The following ZSWIM6 variants were observed in gnomAD, a reference collection of about 807,000 sequenced individuals.
The protein encoded by ZSWIM6 is zinc finger SWIM-type containing 6, also known as zinc finger SWIM domain-containing protein 6.
Under a neutral mutation model 113.2 loss-of-function variants are expected in ZSWIM6, and 9 were observed. That is an observed-to-expected ratio of 0.08 (90% CI 0.05 to 0.14). The LOEUF is 0.14. Ranked by LOEUF, ZSWIM6 falls within the 10% of genes least tolerant of loss-of-function variation. The pLI is 1.00. For synonymous variants in ZSWIM6, 611 were observed against 606.5 expected, an observed-to-expected ratio of 1.01 and a Z score of -0.11; for missense variants, 1,162 against 1,552.2, an observed-to-expected ratio of 0.75 and a Z score of 4.22.
intron 1 of ZSWIM6, among the ~76,000 whole-genome samples, chr5:61,438,558 A>C (rs1380864078): frequency 6.6e-6 from 1 of 152,226 alleles, no homozygotes; most frequent in Non-Finnish European, 1.5e-5. Context: ...ATGTTCTTCA[A>C]AGAGAATAAT....
chr5:61,450,446 AT>A (rs1319735727), intron 1 of ZSWIM6, among the ~76,000 whole-genome samples: 3 of 152,168 alleles, frequency 2.0e-5, no homozygotes, highest in African/African-American at 7.2e-5. Flanking sequence ...ATGATTTCTC[AT>A]TTATGTGATT....
intron 4 of ZSWIM6, among the ~76,000 whole-genome samples, chr5:61,503,285 A>G (rs908760120): frequency 3.3e-5 from 5 of 152,206 alleles, no homozygotes; most frequent in South Asian, 2.1e-4. Context: ...TACCCAGGGT[A>G]ATGATACTAG....
chr5:61,337,277 T>TC (rs34789006), intron 1 of ZSWIM6, among the ~76,000 whole-genome samples: 31,432 of 144,598 alleles, frequency 0.22, 3,401 homozygotes, highest in South Asian at 0.31. Flanking sequence ...AGATTCCGTC[T>TC]CCCCCCCCAA....
In ZSWIM6 at chr5:61,472,639, A is replaced by G. The variant is rs1747600043; in HGVS notation, c.677-42A>G. 1 of 1,406,924 alleles carries G rather than the reference A, an allele frequency of 7.1e-7. No individual in the cohort carries two copies. The highest frequency in any genetic ancestry group is 9.5e-7 in the Non-Finnish European group (1 of 1,057,006). The allele number at this position is 1,406,924 out of a possible 1,614,324, so 87.2% of individuals were successfully genotyped here. On this transcript the variant is annotated intron_variant, in intron 1 of 13. Transcript: ENST00000252744. The surrounding 1 kb of genome is among the most constrained non-coding windows in gnomAD (Gnocchi z 4.1). The stretch of plus-strand genomic sequence containing the variant: ...AATTAGAGCATTTCATAGCATCTGA[A>G]TGCAGAAGCTAAACCCTCCCTTTCT...
chr5:61,334,306 T>C (rs559266153), intron 1 of ZSWIM6, among the ~76,000 whole-genome samples: 3 of 152,216 alleles, frequency 2.0e-5, no homozygotes, highest in Non-Finnish European at 4.4e-5. Flanking sequence ...AGAACAATGC[T>C]GTAGTGAAAC....
chr5:61,503,439 GGAGAA>G, intron 4 of ZSWIM6, among the ~76,000 whole-genome samples: 1 of 152,294 alleles, frequency 6.6e-6, no homozygotes, highest in African/African-American at 2.4e-5. Context: ...CAGCAAACCT[GGAGAA>G]GAGAGTGAGA....
At chr5:61,540,156 G>C (rs1749689793) in intron 12 of ZSWIM6, among the ~76,000 whole-genome samples, 1 of 152,146 alleles carries the variant, frequency 6.6e-6, no homozygotes. Flanking sequence ...AATTTTTATT[G>C]ATGTTTGCAT....
intron 2 of ZSWIM6, among the ~76,000 whole-genome samples, chr5:61,479,126 G>C (rs911071190): frequency 4.6e-5 from 7 of 151,050 alleles, no homozygotes. Context: ...AGCCAAGATC[G>C]CACCACTGCA....
intron 4 of ZSWIM6, among the ~76,000 whole-genome samples, chr5:61,501,918 C>G (rs1033736185): frequency 6.6e-6 from 1 of 152,094 alleles, no homozygotes; most frequent in Admixed American, 6.6e-5. Flanking sequence ...CCTACTTTTC[C>G]TGTTTCCTAA....
intron 1 of ZSWIM6, among the ~76,000 whole-genome samples, chr5:61,346,033 C>T (rs1744651596): frequency 6.6e-6 from 1 of 152,146 alleles, no homozygotes; most frequent in Non-Finnish European, 1.5e-5. Context: ...CAACCTCCGC[C>T]TCCCGGGTTC....
chr5:61,415,202 G>A (rs549116724), intron 1 of ZSWIM6, among the ~76,000 whole-genome samples: 117 of 152,284 alleles, frequency 7.7e-4, no homozygotes, highest in Non-Finnish European at 1.3e-3. Flanking sequence ...GTTTATGATC[G>A]AAAATGTATG....
chr5:61,521,724 A>G (rs1056649798), intron 5 of ZSWIM6, among the ~76,000 whole-genome samples: 3 of 152,194 alleles, frequency 2.0e-5, no homozygotes, highest in South Asian at 2.1e-4. Context: ...ATGATTTATT[A>G]TGGACATTCT....
chr5:61,448,372 T>TA (rs1295001768), intron 1 of ZSWIM6, among the ~76,000 whole-genome samples: 1 of 152,224 alleles, frequency 6.6e-6, no homozygotes, highest in Non-Finnish European at 1.5e-5. Flanking sequence ...AGTGAGATCA[T>TA]AAAAATCACT....
chr5:61,408,345 C>G (rs1746082703), intron 1 of ZSWIM6, among the ~76,000 whole-genome samples: 1 of 152,094 alleles, frequency 6.6e-6, no homozygotes, highest in Non-Finnish European at 1.5e-5. Context: ...TGTTTTGGAC[C>G]ATTTGAAGCT....
chr5:61,333,009 G>GGGCCC, intron 1 of ZSWIM6, 61 bp downstream of exon 1: 16 of 439,718 alleles, frequency 3.6e-5, no homozygotes, highest in Non-Finnish European at 4.8e-5. Context: ...TGGGGGGGGG[G>GGGCCC]TGCCCGCCTT....
chr5:61,412,270 T>C (rs902665184), intron 1 of ZSWIM6, among the ~76,000 whole-genome samples: 3 of 152,194 alleles, frequency 2.0e-5, no homozygotes, highest in African/African-American at 7.2e-5. Flanking sequence ...TCTGGGTTGG[T>C]CAGAGTTGCA....
intron 1 of ZSWIM6, among the ~76,000 whole-genome samples, chr5:61,431,216 GAA>G (rs1389903306): frequency 6.6e-6 from 1 of 151,020 alleles, no homozygotes; most frequent in Non-Finnish European, 1.5e-5. Flanking sequence ...CTAAAATACA[GAA>G]AAAAATTAGC....
chr5:61,377,528 G>C (rs1745396385), intron 1 of ZSWIM6, among the ~76,000 whole-genome samples: 1 of 152,076 alleles, frequency 6.6e-6, no homozygotes, highest in Admixed American at 6.5e-5. Flanking sequence ...GACCAGCCTG[G>C]CCATCATGGT....
intron 1 of ZSWIM6, among the ~76,000 whole-genome samples, chr5:61,455,623 C>A (rs907682643): frequency 2.0e-5 from 3 of 152,158 alleles, no homozygotes; most frequent in Non-Finnish European, 2.9e-5. Flanking sequence ...AGAGAGGGAG[C>A]AGACGGAGCA....
Sources: gnomAD v4.1 joint callset for allele counts (sites outside exome capture counted in the v4.1 genomes callset) on GRCh38, gnomAD v4.1.1 for gene constraint, Gnocchi (gnomAD v3.1) non-coding constraint, MANE v1.5 for transcripts, NCBI Gene and HGNC (gene_info 2026-07-23, HGNC 2026-07-21) for gene names.